CDK19: variants seen among roughly 807,000 people sequenced by gnomAD.
CDK19 encodes cyclin-dependent kinase 19.
Under a neutral mutation model 68.3 loss-of-function variants are expected in CDK19, and 20 were observed. That is an observed-to-expected ratio of 0.29 (90% CI 0.21 to 0.43). CDK19 has a LOEUF of 0.43. Among genes scored for constraint, CDK19 ranks in the 20% least tolerant of loss-of-function variants. The pLI is 1.00. For missense variants in CDK19, 339 were observed against 623.5 expected (o/e 0.54, Z 4.86); for synonymous variants, 221 against 222.8 (o/e 0.99, Z 0.07).
At chr6:110,788,570 T>A (rs1468605926) in intron 1 of CDK19, among the ~76,000 whole-genome samples, 1 of 152,216 alleles carries the variant, frequency 6.6e-6, no homozygotes, top group Non-Finnish European at 1.5e-5. Context: ...AGGTGTCATA[T>A]GAATTCTTTT....
At chr6:110,647,585 C>T (rs1462827615) in intron 4 of CDK19, among the ~76,000 whole-genome samples, 1 of 152,148 alleles carries the variant, frequency 6.6e-6, no homozygotes, top group African/African-American at 2.4e-5. Context: ...ATGTAACCTA[C>T]AAATTGATTC....
chr6:110,702,380 T>A (rs1363691027), intron 2 of CDK19, among the ~76,000 whole-genome samples: 6 of 152,068 alleles, frequency 3.9e-5, no homozygotes, highest in Non-Finnish European at 1.5e-5. Flanking sequence ...GCCTGGGTGG[T>A]TGAGGCTACA....
chr6:110,781,107 GA>G (rs1780780735), intron 1 of CDK19, among the ~76,000 whole-genome samples: 2 of 152,070 alleles, frequency 1.3e-5, no homozygotes, highest in Non-Finnish European at 2.9e-5. Flanking sequence ...TGCTATAAAG[GA>G]ATACCTCAAA....
At chr6:110,734,950 T>G (rs1777129084) in intron 2 of CDK19, among the ~76,000 whole-genome samples, 1 of 152,196 alleles carries the variant, frequency 6.6e-6, no homozygotes. Context: ...ATTCAAATAA[T>G]TACTTGATTA....
intron 1 of CDK19, chr6:110,814,440 C>T (rs931477987): frequency 5.0e-5 from 18 of 359,480 alleles, no homozygotes; most frequent in African/African-American, 3.8e-4. Context: ...ATAGAGAAGC[C>T]AACGGGCCGG....
At chr6:110,626,565 C>G (rs183557069) in intron 8 of CDK19, among the ~76,000 whole-genome samples, 4 of 152,154 alleles carry the variant, frequency 2.6e-5, no homozygotes, top group Admixed American at 2.6e-4. Flanking sequence ...CCCTTTTTGC[C>G]CTTCTACCTA....
chr6:110,711,253 T>G (rs1167354787), intron 2 of CDK19, among the ~76,000 whole-genome samples: 1 of 152,230 alleles, frequency 6.6e-6, no homozygotes, highest in Non-Finnish European at 1.5e-5. Flanking sequence ...TGTCAGCTAT[T>G]TTCTGTAGAG....
chr6:110,686,916 C>T (rs1050429184), intron 2 of CDK19, among the ~76,000 whole-genome samples: 2 of 152,108 alleles, frequency 1.3e-5, no homozygotes, highest in South Asian at 2.1e-4. Context: ...TACATAGTTT[C>T]GGCCAGGTGC....
At chr6:110,648,683 G>T (rs1780774573) in intron 4 of CDK19, among the ~76,000 whole-genome samples, 1 of 151,590 alleles carries the variant, frequency 6.6e-6, no homozygotes, top group African/African-American at 2.4e-5. Flanking sequence ...TGGGATTACA[G>T]GCATGTGCCA....
At chr6:110,670,265 G>C (rs1323742699) in intron 3 of CDK19, among the ~76,000 whole-genome samples, 166 bp downstream of exon 3, 2 of 151,410 alleles carry the variant, frequency 1.3e-5, no homozygotes, top group African/African-American at 4.9e-5. Context: ...TAAAATGTGA[G>C]TTTATTGCTT....
chr6:110,648,313 A>C (rs1281602095), intron 4 of CDK19, among the ~76,000 whole-genome samples: 5 of 152,202 alleles, frequency 3.3e-5, no homozygotes, highest in African/African-American at 7.2e-5. Context: ...GTATTTACAG[A>C]CAAATTGTTG....
chr6:110,723,750 C>A (rs1337887962), intron 2 of CDK19, among the ~76,000 whole-genome samples: 3 of 152,170 alleles, frequency 2.0e-5, no homozygotes, highest in African/African-American at 7.2e-5. Context: ...ATTATATGAA[C>A]AAAGCCATGC....
At chr6:110,810,635 G>A (rs1184413550) in intron 1 of CDK19, among the ~76,000 whole-genome samples, 3 of 152,106 alleles carry the variant, frequency 2.0e-5, no homozygotes, top group Admixed American at 6.6e-5. Context: ...TCAGCCAGGC[G>A]TGGTGGTGCA....
chr6:110,729,653 G>A (rs550948857), intron 2 of CDK19, among the ~76,000 whole-genome samples: 155 of 144,828 alleles, frequency 1.1e-3, no homozygotes, highest in Middle Eastern at 7.5e-3. Context: ...ATGTTGGCCA[G>A]ACTGGCTTGA....
Position 110,746,136 on chromosome 6 carries a change from C to CTA in CDK19, c.192_193dup (p.Arg65IlefsTer10). On this transcript the variant is annotated frameshift_variant, in exon 2 of 13. Transcript: ENST00000368911. LOFTEE classifies it high-confidence loss of function. ...TTTGTATCCACTTACTGCAATCTCT[C>CTA]TACAAGCCGACATGGATATTCCTGT... 1 of 1,588,382 alleles carries CTA rather than the reference C, an allele frequency of 6.3e-7. No individual in the cohort carries two copies.
chr6:110,811,415 G>C (rs1448187312), intron 1 of CDK19, among the ~76,000 whole-genome samples: 1 of 152,070 alleles, frequency 6.6e-6, no homozygotes, highest in Non-Finnish European at 1.5e-5. Flanking sequence ...CACCACGCTC[G>C]GCTAATTTTT....
rs1253750484 is a variant in CDK19, at chr6:110,643,170, C to G, written c.457-4464G>C. On this transcript the variant is annotated intron_variant, in intron 4 of 12. Transcript: ENST00000368911. The stretch of plus-strand genomic sequence containing the variant: ...CTACCAGTAGAAGCCAAAGCAAACC[C>G]CTTCTGGAGGAAACACTTACCAACT... 9 of 1,283,972 alleles carry G rather than the reference C, an allele frequency of 7.0e-6. No individual in the cohort carries two copies. In the South Asian group the frequency reaches 1.1e-4, roughly 16 times the overall value. The allele number at this position is 1,283,972 out of a possible 1,614,324, so 79.5% of individuals were successfully genotyped here.
chr6:110,636,390 T>C (rs921550919), intron 5 of CDK19, among the ~76,000 whole-genome samples: 2 of 152,202 alleles, frequency 1.3e-5, no homozygotes, highest in African/African-American at 4.8e-5. Flanking sequence ...CCTAAGCCAG[T>C]GCCTTGAAAC....
chr6:110,773,051 T>TCA (rs796620969), intron 1 of CDK19, among the ~76,000 whole-genome samples: 1 of 132,738 alleles, frequency 7.5e-6, no homozygotes, highest in Non-Finnish European at 1.6e-5. Context: ...CCCCGTCTCT[T>TCA]AAAAAAAAAA....
Sources: gnomAD v4.1 joint callset for allele counts (sites outside exome capture counted in the v4.1 genomes callset) on GRCh38, gnomAD v4.1.1 for gene constraint, MANE v1.5 for transcripts, NCBI Gene and HGNC (gene_info 2026-07-23, HGNC 2026-07-21) for gene names.